The following NUP133 variants were observed in gnomAD, a reference collection of about 807,000 sequenced individuals.
The protein encoded by NUP133 is nucleoporin 133, also known as nuclear pore complex protein Nup133.
A neutral mutation model predicts 146.2 loss-of-function variants in NUP133; 66 were observed. The observed-to-expected ratio is 0.45, with a 90% CI of 0.37 to 0.55. The LOEUF (loss-of-function observed/expected upper bound fraction) is 0.55, where lower values mean the gene tolerates loss of function less well. NUP133 is among the 20% of genes least tolerant of loss of function. The pLI, the probability that NUP133 is intolerant of heterozygous loss-of-function variation, is 0.00. For missense variants in NUP133, 1,277 were observed against 1,374.8 expected, an observed-to-expected ratio of 0.93 and a Z score of 1.12; for synonymous variants, 521 against 498.8, an observed-to-expected ratio of 1.04 and a Z score of -0.59.
Position 229,506,164 on chromosome 1 carries a change from G to GA in NUP133, c.183-7dup, listed in dbSNP as rs573847464. On this transcript the variant is annotated splice_region_variant and splice_polypyrimidine_tract_variant and intron_variant, in intron 1 of 25. Coordinates refer to ENST00000261396, the MANE Select transcript of NUP133 (RefSeq NM_018230.3). Reference sequence around the variant, plus strand: ...ACATTCGTGTTGGTGTTCCCCTAAAGAAAAGAGTCTATATTACCTTACTTG... The same window carrying GA: ...ACATTCGTGTTGGTGTTCCCCTAAAGAAAAAGAGTCTATATTACCTTACTTG... 402 of 1,535,068 alleles carry GA rather than the reference G, an allele frequency of 2.6e-4. 1 individual carries two copies. The highest frequency in any genetic ancestry group is 3.5e-4 in the Non-Finnish European group (389 of 1,111,406).
intron 2 of NUP133, among the ~76,000 whole-genome samples, chr1:229,503,327 G>C (rs1215723602): frequency 6.6e-6 from 1 of 151,972 alleles, no homozygotes; most frequent in Non-Finnish European, 1.5e-5. Context: ...TAATTATATC[G>C]ATAAAGTAAA....
chr1:229,461,160 A>C (rs1430517529), intron 19 of NUP133, among the ~76,000 whole-genome samples: 1 of 152,224 alleles, frequency 6.6e-6, no homozygotes, highest in Non-Finnish European at 1.5e-5. Context: ...TGGACAGCGC[A>C]TTATCAACAG....
At chr1:229,476,966 G>A (rs1661092472) in intron 13 of NUP133, among the ~76,000 whole-genome samples, 1 of 151,500 alleles carries the variant, frequency 6.6e-6, no homozygotes, top group South Asian at 2.1e-4. Context: ...GGATTGGGGG[G>A]CAGGTAAGTG....
At chr1:229,448,931 TG>T (rs1660377256) in intron 24 of NUP133, 194 bp downstream of exon 24, 1 of 572,410 alleles carries the variant, frequency 1.7e-6, no homozygotes, top group Admixed American at 3.4e-5. Context: ...GGTTGTAGAT[TG>T]TATCAGGACT....
chr1:229,444,990 A>G lies in NUP133; in HGVS notation c.3258T>C (p.Ser1086=). ...CTTCAATTGGATCATCTTTGCCATC[A>G]GAACTGGACCAGCTAGAAAACAAAA... ...KALQRDNWSS[S]DGKDDPIEVS... The change falls in exon 25 of 26, where the codon TCT becomes TCC. Residue 1086 remains serine, a synonymous_variant. Coordinates refer to ENST00000261396, the MANE Select transcript of NUP133 (RefSeq NM_018230.3). 1 of 1,611,072 alleles carries G rather than the reference A, an allele frequency of 6.2e-7. No individual in the cohort carries two copies. The highest frequency in any genetic ancestry group is 8.5e-7 in the Non-Finnish European group (1 of 1,178,128).
chr1:229,443,320 G>A (rs1405571490), intron 25 of NUP133, among the ~76,000 whole-genome samples: 1 of 151,768 alleles, frequency 6.6e-6, no homozygotes, highest in East Asian at 1.9e-4. Flanking sequence ...GATTACAGGC[G>A]TGAGCTACCG....
chr1:229,489,889 C>T, intron 9 of NUP133, 66 bp downstream of exon 9: 1 of 1,387,590 alleles, frequency 7.2e-7, no homozygotes, highest in Non-Finnish European at 9.6e-7. Context: ...ATAAATAAGA[C>T]CCTGAAATGG....
intron 2 of NUP133, among the ~76,000 whole-genome samples, chr1:229,504,881 A>G (rs1030079171): frequency 2.0e-5 from 3 of 152,188 alleles, no homozygotes; most frequent in African/African-American, 7.2e-5. Context: ...TGTCCTGCCT[A>G]AAGGTTGTGA....
chr1:229,448,936 C>G, intron 24 of NUP133, 190 bp downstream of exon 24: 3 of 595,092 alleles, frequency 5.0e-6, no homozygotes, highest in South Asian at 4.0e-5. Flanking sequence ...TAGATTGTAT[C>G]AGGACTGAAC....
At chr1:229,495,232 AT>A (rs1251943912) in intron 8 of NUP133, among the ~76,000 whole-genome samples, 1 of 152,128 alleles carries the variant, frequency 6.6e-6, no homozygotes, top group Non-Finnish European at 1.5e-5. Flanking sequence ...CTACAAAAAA[AT>A]TTTAAAAATC....
chr1:229,479,520 G>A (rs958581580), intron 12 of NUP133, among the ~76,000 whole-genome samples: 2 of 152,110 alleles, frequency 1.3e-5, no homozygotes, highest in African/African-American at 2.4e-5. Flanking sequence ...TCCACTGGGG[G>A]TCTTAAGACA....
Position 229,499,778 on chromosome 1 carries a change from C to T in NUP133, c.554G>A (p.Arg185His), listed in dbSNP as rs750092981. The T allele has an allele frequency of 3.7e-6, 6 of 1,613,850 alleles. No homozygotes were observed. Among genetic ancestry groups the T allele is most frequent in the South Asian group, 1.1e-5 (1 of 91,066 alleles). The change falls in exon 5 of 26, where the codon CGC (arginine) becomes CAC (histidine). Residue 185 changes from arginine to histidine, a missense_variant. Coordinates refer to ENST00000261396, the MANE Select transcript of NUP133 (RefSeq NM_018230.3). ...TTCACCAGCAAGGCTTGGCCAATAG[C>T]GGATAGATCCTTCTCTGGTGGCAAC... ...VMVATREGSI[R>H]YWPSLAGEDT... is the part of the protein sequence containing the mutation.
rs376476266 is a variant in NUP133 at position 229,450,541 on chromosome 1, A to G, written c.3164T>C (p.Leu1055Ser). 145 of 1,582,800 alleles carry G rather than the reference A, an allele frequency of 9.2e-5. No homozygotes were observed. Among genetic ancestry groups the G allele is most frequent in the Non-Finnish European group, 1.1e-4 (127 of 1,157,276 alleles). The change falls in exon 23 of 26, where the codon TTG becomes TCG. Residue 1055 changes from leucine (L) to serine (S), a missense_variant. This residue lies in a region of NUP133 where 952 missense variants were observed against 1,047.0 expected (regional missense o/e 0.91). Coordinates refer to ENST00000261396, the MANE Select transcript of NUP133 (RefSeq NM_018230.3). Reference protein sequence around the residue: ...EYDFKKALDLLEYIDEEEDIN... With the variant: ...EYDFKKALDLSEYIDEEEDIN... ...TTTACTTACCTCATCAATATATTCC[A>G]ACAAGTCCAAAGCTTTCTTGAAATC...
intron 24 of NUP133, 78 bp downstream of exon 24, chr1:229,449,048 T>G: frequency 3.7e-6 from 4 of 1,087,922 alleles, no homozygotes; most frequent in Middle Eastern, 4.8e-4. Context: ...AAGTCTTCTG[T>G]TATTGACTGT....
At chr1:229,448,930 T>G in intron 24 of NUP133, 196 bp downstream of exon 24, 1 of 571,740 alleles carries the variant, frequency 1.7e-6, no homozygotes, top group South Asian at 2.1e-5. Context: ...TGGTTGTAGA[T>G]TGTATCAGGA....
At chr1:229,507,067 G>C (rs930919843) in intron 1 of NUP133, among the ~76,000 whole-genome samples, 1 of 152,100 alleles carries the variant, frequency 6.6e-6, no homozygotes, top group African/African-American at 2.4e-5. Flanking sequence ...TCCTGACAGA[G>C]GATAACAAAG....
At chr1:229,483,085 A>G (rs903653514) in intron 12 of NUP133, among the ~76,000 whole-genome samples, 1 of 152,198 alleles carries the variant, frequency 6.6e-6, no homozygotes, top group Non-Finnish European at 1.5e-5. Context: ...AAACTCAACT[A>G]ATAGGCCAGG....
Position 229,486,520 on chromosome 1 carries a change from C to T in NUP133, c.1351G>A (p.Val451Ile). 2 of 1,605,780 alleles carry T rather than the reference C, an allele frequency of 1.2e-6. No individual in the cohort carries two copies. The highest frequency in any genetic ancestry group is 8.5e-7 in the Non-Finnish European group (1 of 1,177,786). The stretch of plus-strand genomic sequence containing the variant: ...CCACCACAGGCACCAGCACCTAAAA[C>T]ACTATCTCCTAAAAGAAAGGAAAAC... ...KIVFNAQGDS[V>I]LGAGACGGVP... Residue 451 changes from valine to isoleucine, a missense_variant, in exon 11 of 26, where the codon GTT becomes ATT. Coordinates refer to ENST00000261396, the MANE Select transcript of NUP133 (RefSeq NM_018230.3).
chr1:229,469,351 C>T (rs900345521), intron 15 of NUP133, among the ~76,000 whole-genome samples: 1 of 152,254 alleles, frequency 6.6e-6, no homozygotes, highest in Non-Finnish European at 1.5e-5. Flanking sequence ...CAATGTCCAG[C>T]TGCCACTGGC....
Sources: allele counts gnomAD v4.1 joint callset (sites outside exome capture counted in the v4.1 genomes callset), GRCh38; gene constraint gnomAD v4.1.1; regional missense constraint gnomAD v4.1.1; transcripts MANE v1.5; gene names NCBI Gene and HGNC (gene_info 2026-07-23, HGNC 2026-07-21).